MUC12: variants seen among roughly 807,000 people sequenced by gnomAD.
MUC12 encodes mucin-12.
MUC12 carries 172 observed loss-of-function variants against 230.8 expected under a neutral mutation model. That is an observed-to-expected ratio of 0.75 (90% CI 0.66 to 0.85). The LOEUF (loss-of-function observed/expected upper bound fraction) is 0.85. Among genes scored for constraint, MUC12 ranks in the 40% least tolerant of loss-of-function variants. The probability of loss-of-function intolerance (pLI) is 0.00; values close to 1 mark genes in which losing one functional copy is unlikely to be tolerated. For missense variants in MUC12, 3,506 were observed against 5,920.6 expected, an observed-to-expected ratio of 0.59 and a Z score of 13.38; for synonymous variants, 1,259 against 2,401.9, an observed-to-expected ratio of 0.52 and a Z score of 13.91.
rs954019462 is a variant in MUC12 at position 101,005,280 on chromosome 7, C to G, written c.14717C>G (p.Thr4906Arg). ...LTTTDIGQES[T>R]AFHSSSDATG... ...ACCACAGACATTGGTCAGGAATCAA[C>G]AGCCTTCCACAGCAGCTCAGACGCA... The change falls in exon 2 of 12, where the codon ACA becomes AGA. Residue 4906 changes from threonine to arginine, a missense_variant. Coordinates refer to ENST00000536621, the MANE Select transcript of MUC12 (RefSeq NM_001164462.2). 2 of 1,537,782 alleles carry G rather than the reference C, an allele frequency of 1.3e-6. No homozygotes were observed. The highest frequency in any genetic ancestry group is 3.9e-5 in the Admixed American group (2 of 50,994).
chr7:100,972,346 C>T (rs146024524), intron 1 of MUC12, among the ~76,000 whole-genome samples: 765 of 151,944 alleles, frequency 5.0e-3, no homozygotes, highest in African/African-American at 0.016. Context: ...TCTGCACCCG[C>T]GCCTCTCCTT....
At chr7:100,970,913 C>T (rs984408247) in intron 1 of MUC12, among the ~76,000 whole-genome samples, 3 of 152,044 alleles carry the variant, frequency 2.0e-5, no homozygotes, top group East Asian at 1.9e-4. Flanking sequence ...AGGAGAATGG[C>T]GTGAACCCGG....
At position 100,992,336 on chromosome 7, in the gene MUC12, C is replaced by T. The variant is rs1793338537; in HGVS notation, c.1773C>T (p.Leu591=). Residue 591 remains leucine, a synonymous_variant, in exon 2 of 12, where the codon CTC becomes CTT. Coordinates refer to ENST00000536621, the MANE Select transcript of MUC12 (RefSeq NM_001164462.2). ...GCCCAGGCTCCACTGAAACAACACT[C>T]TTACCTGACAACACCACAGCCTCAG... is the stretch of plus-strand genomic sequence containing the variant. ...HSRPGSTETT[L]LPDNTTASGL... is the part of the protein sequence containing the mutation. 3.9e-6 allele frequency: 6 copies of T among 1,536,682 alleles called. No homozygotes were observed. The highest frequency in any genetic ancestry group is 1.4e-5 in the African/African-American group (1 of 73,030).
In MUC12 at chr7:101,012,889, G is replaced by C; in HGVS notation, c.15474G>C (p.Gln5158His). ...CGGTGACTCCGGGCTTTGACTTCCA[G>C]GGTAAGCGACTACGTGGAGCGTGGG... ...DSSVTPGFDFQEQCTQKAAEG... is the reference protein window; with the variant it reads ...DSSVTPGFDFHEQCTQKAAEG... The change falls in exon 7 of 12, where the codon CAG becomes CAC. Residue 5158 changes from glutamine to histidine, a missense_variant and splice_region_variant. By Grantham distance (24) the Gln-to-His change is conservative (BLOSUM62 0). Coordinates refer to ENST00000536621, the MANE Select transcript of MUC12 (RefSeq NM_001164462.2). 2 of 1,537,254 alleles carry C rather than the reference G, an allele frequency of 1.3e-6. No homozygotes were observed. Among genetic ancestry groups the C allele is most frequent in the Non-Finnish European group, 1.7e-6 (2 of 1,146,908 alleles).
chr7:101,004,945 A>C lies in MUC12; in HGVS notation c.14382A>C (p.Ser4794=). ...CCACCTCAGGCCTCAGTCAGGAATC[A>C]ACAACTTTCCACAGTAAGCCAGGCT... ...STTTSGLSQE[S]TTFHSKPGST... The change falls in exon 2 of 12, where the codon TCA becomes TCC. Residue 4794 remains serine, a synonymous_variant. Coordinates refer to ENST00000536621, the MANE Select transcript of MUC12 (RefSeq NM_001164462.2). 1 of 1,537,734 alleles carries C rather than the reference A, an allele frequency of 6.5e-7. No homozygotes were observed. The highest frequency in any genetic ancestry group is 8.7e-7 in the Non-Finnish European group (1 of 1,147,032).
chr7:101,014,275 GT>G, intron 9 of MUC12: 2 of 496,088 alleles, frequency 4.0e-6, no homozygotes, highest in East Asian at 3.4e-5. Flanking sequence ...ATTTGGCAGT[GT>G]TTTAGTCCAT....
rs533760849 is a variant in MUC12, at chr7:100,981,866, CT to C, written c.68-8747del. On this transcript the variant is annotated intron_variant, in intron 1 of 11. Coordinates refer to ENST00000536621, the MANE Select transcript of MUC12 (RefSeq NM_001164462.2). ...GGCTTCCAGGGCACAGCTGCTGCTG[CT>C]TTTTTTTTTTTTTTTTTGAGACGGA... Among the ~76,000 whole-genome samples the C allele has an allele frequency of 4.7e-3, 584 of 124,850 alleles. 3 individuals carry two copies. Among genetic ancestry groups the C allele is most frequent in the South Asian group, 9.2e-3 (32 of 3,476 alleles). The allele number at this position is 124,850 out of a possible 152,430, so 81.9% of individuals were successfully genotyped here.
chr7:101,018,647 G>A lies in MUC12; in HGVS notation c.*11G>A, dbSNP rs990902448. On this transcript the variant is annotated 3_prime_UTR_variant, in exon 12 of 12. Transcript: ENST00000536621. ...GCATCCACTGTGTGAGCCAACGGGGGCCTCCCACCCTCATCTAGCTCTGTT... is the reference window on the plus strand; with the variant it reads ...GCATCCACTGTGTGAGCCAACGGGGACCTCCCACCCTCATCTAGCTCTGTT... 7 of 1,535,036 alleles carry A rather than the reference G, an allele frequency of 4.6e-6. No individual in the cohort carries two copies. The African/African-American group carries it at 8.2e-5, about 18-fold the overall frequency.
rs771538796 is a variant in MUC12, at chr7:101,004,303, C to T, written c.13740C>T (p.Ser4580=). The part of the protein sequence containing the change: ...RSEESTTVHS[S]PVATATTPSP... ...AGGAATCGACAACAGTCCACAGCAG[C>T]CCAGTTGCAACTGCAACAACACCCT... The change falls in exon 2 of 12, where the codon AGC becomes AGT. Residue 4580 remains serine, a synonymous_variant. Transcript: ENST00000536621. 4 of 1,007,232 alleles carry T rather than the reference C, an allele frequency of 4.0e-6. No individual in the cohort carries two copies. The East Asian group carries it at 8.7e-5, about 22-fold the overall frequency. The allele number at this position is 1,007,232 out of a possible 1,614,324, so 62.4% of individuals were successfully genotyped here. A position where few individuals can be genotyped will look rare whatever the true frequency, so the allele number is the denominator to read the frequency against.
At chr7:101,008,521 T>C in intron 3 of MUC12, 113 bp from the exon 4 acceptor site, 1 of 1,383,578 alleles carries the variant, frequency 7.2e-7, no homozygotes. Flanking sequence ...TGACCCCACC[T>C]TCCTCTTAAG....
chr7:101,013,006 G>T lies in MUC12; in HGVS notation c.15502G>T (p.Gly5168Ter), dbSNP rs367905495. 5 of 1,537,216 alleles carry T rather than the reference G, an allele frequency of 3.3e-6. No homozygotes were observed. Among genetic ancestry groups the T allele is most frequent in the Non-Finnish European group, 4.4e-6 (5 of 1,146,952 alleles). ...QEQCTQKAAE[G>*]YTQFYYVDVL... ...GCAATGCACCCAGAAGGCTGCCGAA[G>T]GATATACCCAGTTCTACTATGTGGA... Residue 5168 changes from glycine (G) to a stop codon, truncating the protein, a stop_gained, in exon 8 of 12, where the codon GGA (glycine) becomes TGA (stop). Coordinates refer to ENST00000536621, the MANE Select transcript of MUC12 (RefSeq NM_001164462.2). LOFTEE classifies it high-confidence loss of function.
At chr7:101,008,941 C>G (rs879822568) in intron 4 of MUC12, among the ~76,000 whole-genome samples, 154 bp from the exon 5 acceptor site, 1 of 152,192 alleles carries the variant, frequency 6.6e-6, no homozygotes. Flanking sequence ...ACATGACCCA[C>G]ATTATGGCAG....
intron 1 of MUC12, among the ~76,000 whole-genome samples, chr7:100,973,889 A>T (rs377680503): frequency 1.3e-5 from 2 of 151,894 alleles, no homozygotes; most frequent in African/African-American, 4.8e-5. Flanking sequence ...TGTGGTGCTC[A>T]TGCCTGTAAT....
intron 1 of MUC12, among the ~76,000 whole-genome samples, chr7:100,982,530 G>C (rs1320606069): frequency 6.6e-6 from 1 of 151,244 alleles, no homozygotes; most frequent in Non-Finnish European, 1.5e-5. Context: ...CTGAATTCCT[G>C]GGCTCCAGTG....
In MUC12 at chr7:101,004,724, A is replaced by G. The variant is rs2116342947; in HGVS notation, c.14161A>G (p.Met4721Val). ...STTFYISPGS[M>V]ETTLASTATT... is the part of the protein sequence containing the mutation. ...CACCTTCTATATCTCTCCAGGCTCAATGGAAACAACATTAGCCAGCACTGC... is the reference window on the plus strand; with the variant it reads ...CACCTTCTATATCTCTCCAGGCTCAGTGGAAACAACATTAGCCAGCACTGC... Residue 4721 changes from methionine (M) to valine (V), a missense_variant, in exon 2 of 12, where the codon ATG (methionine) becomes GTG (valine). Coordinates refer to ENST00000536621, the MANE Select transcript of MUC12 (RefSeq NM_001164462.2). 6.5e-7 allele frequency: 1 copy of G among 1,537,028 alleles called. No homozygotes were observed. Among genetic ancestry groups the G allele is most frequent in the Non-Finnish European group, 8.7e-7 (1 of 1,146,384 alleles).
chr7:100,980,108 A>G (rs894354016), intron 1 of MUC12, among the ~76,000 whole-genome samples: 2 of 151,336 alleles, frequency 1.3e-5, no homozygotes, highest in Non-Finnish European at 2.9e-5. Flanking sequence ...CAGTGGTGCC[A>G]TCTCGGCTCA....
At chr7:101,011,250 C>T (rs556753540) in intron 5 of MUC12, among the ~76,000 whole-genome samples, 1 of 152,194 alleles carries the variant, frequency 6.6e-6, no homozygotes, top group Non-Finnish European at 1.5e-5. Context: ...CGTCGGCACC[C>T]TGGTCTTTCC....
Position 100,992,366 on chromosome 7 carries a change from C to A in MUC12, c.1803C>A (p.Leu601=). Residue 601 remains leucine, a synonymous_variant, in exon 2 of 12, where the codon CTC becomes CTA. Transcript: ENST00000536621. ...LLPDNTTASG[L]LEASMPVHSS... The stretch of plus-strand genomic sequence containing the variant: ...CTGACAACACCACAGCCTCAGGACT[C>A]CTTGAAGCATCTATGCCCGTCCACA... 1 of 1,536,674 alleles carries A rather than the reference C, an allele frequency of 6.5e-7. No individual in the cohort carries two copies.
At chr7:100,980,071 T>C (rs1342792823) in intron 1 of MUC12, among the ~76,000 whole-genome samples, 1 of 151,334 alleles carries the variant, frequency 6.6e-6, no homozygotes, top group East Asian at 2.0e-4. Context: ...TTTAGATGAG[T>C]CTCGCTCTGT....
Sources: allele counts gnomAD v4.1 joint callset (sites outside exome capture counted in the v4.1 genomes callset), GRCh38; gene constraint gnomAD v4.1.1; transcripts MANE v1.5; gene names NCBI Gene and HGNC (gene_info 2026-07-23, HGNC 2026-07-21).